Variants in NCOA3 observed in about 807,000 individuals in gnomAD.
NCOA3 encodes CBP-interacting protein.
Under a neutral mutation model 158.8 loss-of-function variants are expected in NCOA3, and 51 were observed. The ratio of observed to expected loss-of-function variants is 0.32; its 90% CI spans 0.26 to 0.41. The LOEUF (loss-of-function observed/expected upper bound fraction) is 0.41. Among genes scored for constraint, NCOA3 ranks in the 10% least tolerant of loss-of-function variants. NCOA3 has a pLI of 1.00. For missense variants in NCOA3, 1,510 were observed against 1,746.6 expected (o/e 0.86, Z 2.41); for synonymous variants, 537 against 592.4 (o/e 0.91, Z 1.36).
rs1049187849 is a variant in NCOA3, at chr20:47,501,948, CCGGCGGCGGCTGCGGGCTGAG to C, written c.-164_-144del. Reference sequence around the variant, plus strand: ...GCGGCTGCGGCTTAGTCGGTGGCGGCCGGCGGCGGCTGCGGGCTGAGCGGCGAGTTTCCGATTTAAAGCTGA... The same window carrying C: ...GCGGCTGCGGCTTAGTCGGTGGCGGCCGGCGAGTTTCCGATTTAAAGCTGA... On this transcript the variant is annotated 5_prime_UTR_variant, in exon 1 of 23. Transcript: ENST00000371998. The C allele has an allele frequency of 9.7e-5, 39 of 400,664 alleles. No homozygotes were observed. Among genetic ancestry groups the C allele is most frequent in the South Asian group, 3.8e-4 (3 of 7,954 alleles). 24.8% of individuals were successfully genotyped at this position (400,664 alleles called of 1,614,324 possible).
At chr20:47,519,678 A>T (rs1484918549) in intron 1 of NCOA3, among the ~76,000 whole-genome samples, 2 of 152,208 alleles carry the variant, frequency 1.3e-5, no homozygotes, top group East Asian at 3.9e-4. Context: ...CTGTAATTCT[A>T]GCACTTTGTG....
intron 1 of NCOA3, among the ~76,000 whole-genome samples, chr20:47,504,719 G>C (rs2083999040): frequency 6.6e-6 from 1 of 151,298 alleles, no homozygotes. Flanking sequence ...CAGAAGAATG[G>C]CTTGAACCCG....
chr20:47,519,431 CA>C (rs11479403), intron 1 of NCOA3, among the ~76,000 whole-genome samples: 43,939 of 143,950 alleles, frequency 0.31, 6,980 homozygotes, highest in East Asian at 0.59. Context: ...GACTCCATCT[CA>C]AAAAAAAAAA....
At chr20:47,584,619 CAAA>C (rs59337239) in intron 2 of NCOA3, among the ~76,000 whole-genome samples, 1 of 108,312 alleles carries the variant, frequency 9.2e-6, no homozygotes, top group Admixed American at 1.0e-4. Flanking sequence ...GACTTCATCT[CAAA>C]AAAAAAAAAA....
chr20:47,617,114 C>A (rs1402577775), intron 2 of NCOA3, among the ~76,000 whole-genome samples: 1 of 152,130 alleles, frequency 6.6e-6, no homozygotes, highest in Non-Finnish European at 1.5e-5. Context: ...TGCCACCATG[C>A]CCAGCTAATT....
intron 1 of NCOA3, among the ~76,000 whole-genome samples, chr20:47,582,605 G>A (rs766936773): frequency 1.1e-4 from 16 of 151,850 alleles, no homozygotes; most frequent in African/African-American, 3.4e-4. Context: ...GGCCTCAAGC[G>A]GTCCTCCTAC....
At chr20:47,649,160 C>A in intron 19 of NCOA3, 51 bp downstream of exon 19, 2 of 1,219,274 alleles carry the variant, frequency 1.6e-6, no homozygotes, top group South Asian at 1.4e-5. Flanking sequence ...CAGGACAGGG[C>A]TTGGCCTGTG....
intron 1 of NCOA3, among the ~76,000 whole-genome samples, chr20:47,504,478 CTT>C (rs58220390): frequency 0.084 from 8,326 of 98,672 alleles, 296 homozygotes; most frequent in Middle Eastern, 0.15. Context: ...CTAAGTGTGT[CTT>C]TTTTTTTTTT....
At chr20:47,504,618 G>T (rs2083996905) in intron 1 of NCOA3, among the ~76,000 whole-genome samples, 1 of 151,324 alleles carries the variant, frequency 6.6e-6, no homozygotes, top group South Asian at 2.1e-4. Flanking sequence ...GCCTGGCAAA[G>T]ATGGTGAAAC....
chr20:47,505,002 G>GTTTTTTTTTTTTTTT (rs2084003938), intron 1 of NCOA3, among the ~76,000 whole-genome samples: 1 of 8,556 alleles, frequency 1.2e-4, no homozygotes, highest in African/African-American at 3.8e-4. Context: ...TTGGGTTTTT[G>GTTTTTTTTTTTTTTT]GTTTTTTTTT....
At chr20:47,551,757 A>G (rs2084930566) in intron 1 of NCOA3, among the ~76,000 whole-genome samples, 1 of 152,244 alleles carries the variant, frequency 6.6e-6, no homozygotes. Flanking sequence ...TATTTTGCCC[A>G]CGTAGGAAAC....
At chr20:47,641,287 A>G (rs922454918) in intron 16 of NCOA3, among the ~76,000 whole-genome samples, 2 of 136,454 alleles carry the variant, frequency 1.5e-5, no homozygotes, top group Admixed American at 7.3e-5. Flanking sequence ...TCATTTTGGT[A>G]TTTCTCCAGA....
At chr20:47,565,862 C>A (rs914378154) in intron 1 of NCOA3, among the ~76,000 whole-genome samples, 7 of 152,202 alleles carry the variant, frequency 4.6e-5, no homozygotes, top group Non-Finnish European at 7.3e-5. Flanking sequence ...CATCCACTAA[C>A]TTCTTATACT....
intron 1 of NCOA3, among the ~76,000 whole-genome samples, chr20:47,548,272 G>A (rs1261602050): frequency 6.6e-6 from 1 of 151,852 alleles, no homozygotes; most frequent in East Asian, 1.9e-4. Context: ...GCCAGGTGCG[G>A]TGGCCCACAC....
chr20:47,579,336 T>C (rs2085417749), intron 1 of NCOA3, among the ~76,000 whole-genome samples: 2 of 152,382 alleles, frequency 1.3e-5, no homozygotes, highest in South Asian at 4.1e-4. Flanking sequence ...GAAAATTTAA[T>C]GTCCCTGTTA....
At chr20:47,622,383 G>A in intron 3 of NCOA3, 53 bp downstream of exon 3, 1 of 1,225,552 alleles carries the variant, frequency 8.2e-7, no homozygotes, top group Non-Finnish European at 1.1e-6. Flanking sequence ...CTTTGTTTAA[G>A]GATAACATTT....
chr20:47,508,321 C>A (rs1480153019), intron 1 of NCOA3, among the ~76,000 whole-genome samples: 2 of 152,136 alleles, frequency 1.3e-5, no homozygotes, highest in Non-Finnish European at 2.9e-5. Context: ...TTTTTGAAGT[C>A]ATTCTTTTAA....
At chr20:47,641,354 A>G (rs527894497) in intron 16 of NCOA3, among the ~76,000 whole-genome samples, 107 of 139,690 alleles carry the variant, frequency 7.7e-4, no homozygotes, top group African/African-American at 2.8e-3. Flanking sequence ...TTGAGACGGA[A>G]TCTGGCTCTG....
intron 2 of NCOA3, among the ~76,000 whole-genome samples, chr20:47,591,787 ATGTG>A (rs773957210): frequency 2.7e-5 from 4 of 148,418 alleles, no homozygotes; most frequent in Non-Finnish European, 5.9e-5. Context: ...TGTTCTCAGT[ATGTG>A]TGGTCTTTTT....
Sources: gnomAD v4.1 joint callset for allele counts (sites outside exome capture counted in the v4.1 genomes callset) on GRCh38, gnomAD v4.1.1 for gene constraint, MANE v1.5 for transcripts, NCBI Gene and HGNC (gene_info 2026-07-23, HGNC 2026-07-21) for gene names.